Variants in CALN1 observed in about 807,000 individuals in gnomAD.
CALN1 encodes calcium-binding protein 8.
In CALN1, 17 loss-of-function variants were observed where a neutral mutation model predicts 30.6. The ratio of observed to expected loss-of-function variants is 0.56; its 90% CI spans 0.38 to 0.83. The LOEUF (loss-of-function observed/expected upper bound fraction) is 0.83, where lower values mean the gene tolerates loss of function less well. Ranked by LOEUF, CALN1 falls within the 40% of genes least tolerant of loss-of-function variation. CALN1 has a pLI of 0.00. For synonymous variants in CALN1, 156 were observed against 131.4 expected, an observed-to-expected ratio of 1.19 and a Z score of -1.28; for missense variants, 291 against 354.9, an observed-to-expected ratio of 0.82 and a Z score of 1.45.
At chr7:72,210,980 G>A (rs928384565) in intron 3 of CALN1, among the ~76,000 whole-genome samples, 1 of 152,056 alleles carries the variant, frequency 6.6e-6, no homozygotes, top group African/African-American at 2.4e-5. Context: ...CTTTAACCCA[G>A]GAGTTCAAGG....
intron 2 of CALN1, among the ~76,000 whole-genome samples, chr7:72,389,419 T>G (rs779857715): frequency 2.0e-5 from 3 of 152,200 alleles, no homozygotes; most frequent in Non-Finnish European, 4.4e-5. Context: ...GGAAAATAAT[T>G]TTTAAGCCTT....
At chr7:71,931,845 A>G (rs1447828677) in intron 5 of CALN1, among the ~76,000 whole-genome samples, 1 of 149,164 alleles carries the variant, frequency 6.7e-6, no homozygotes, top group Non-Finnish European at 1.5e-5. Context: ...AGTGTAGAGG[A>G]GCCCAAAACT....
intron 2 of CALN1, among the ~76,000 whole-genome samples, chr7:72,380,693 A>G (rs1045481838): frequency 2.0e-5 from 3 of 147,024 alleles, no homozygotes; most frequent in Non-Finnish European, 4.6e-5. Context: ...ATGGATGGAT[A>G]CATACATTAG....
At chr7:71,844,122 G>A (rs1011642051) in intron 5 of CALN1, among the ~76,000 whole-genome samples, 13 of 152,228 alleles carry the variant, frequency 8.5e-5, no homozygotes, top group African/African-American at 2.9e-4. Flanking sequence ...TCTCCATAGA[G>A]CAGGCTACAA....
intron 2 of CALN1, among the ~76,000 whole-genome samples, chr7:72,331,482 T>G (rs1025254921): frequency 1.3e-5 from 2 of 152,170 alleles, no homozygotes; most frequent in African/African-American, 4.8e-5. Context: ...CCTCTGAGCA[T>G]CTTGAATGCA....
chr7:71,809,820 C>T (rs1182825998), intron 6 of CALN1, among the ~76,000 whole-genome samples: 1 of 151,912 alleles, frequency 6.6e-6, no homozygotes, highest in Non-Finnish European at 1.5e-5. Flanking sequence ...GGACTCTGTC[C>T]CTTTTTTTTT....
chr7:72,337,627 C>T (rs534811634), intron 2 of CALN1: 1 of 152,860 alleles, frequency 6.5e-6, no homozygotes, highest in African/African-American at 2.4e-5. Flanking sequence ...GGTGCCCACA[C>T]CCTAGATCCA....
At chr7:71,945,027 T>C (rs1268124191) in intron 5 of CALN1, among the ~76,000 whole-genome samples, 1 of 152,206 alleles carries the variant, frequency 6.6e-6, no homozygotes, top group African/African-American at 2.4e-5. Flanking sequence ...GCATGGGTCA[T>C]AGGGGCGGAT....
At chr7:72,433,340 C>T (rs2129564093) in intron 1 of CALN1, among the ~76,000 whole-genome samples, 1 of 152,280 alleles carries the variant, frequency 6.6e-6, no homozygotes, top group African/African-American at 2.4e-5. Context: ...TAGCATGCAT[C>T]AGCTGTGCTA....
intron 3 of CALN1, among the ~76,000 whole-genome samples, chr7:72,255,283 G>T (rs1308166717): frequency 6.6e-6 from 1 of 151,716 alleles, no homozygotes; most frequent in Non-Finnish European, 1.5e-5. Flanking sequence ...AGTAGAGACA[G>T]GGTTTCACCA....
Position 71,936,951 on chromosome 7 carries a change from T to G in CALN1, c.501+86706A>C, listed in dbSNP as rs1019087446. Among the ~76,000 whole-genome samples, 5 of 152,032 alleles carry G rather than the reference T, an allele frequency of 3.3e-5. No homozygotes were observed. In the East Asian group the frequency reaches 7.7e-4, roughly 23 times the overall value. ...TCTCTTGCTGCCACCATATAAGAAG[T>G]GCCTTTCATCTCCAGCCATGATTCT... On this transcript the variant is annotated intron_variant, in intron 5 of 6. Coordinates refer to ENST00000395275, the MANE Select transcript of CALN1 (RefSeq NM_031468.4).
At chr7:72,140,497 C>A (rs1051939975) in intron 3 of CALN1, among the ~76,000 whole-genome samples, 1 of 152,194 alleles carries the variant, frequency 6.6e-6, no homozygotes, top group African/African-American at 2.4e-5. Flanking sequence ...CAGTGAGACC[C>A]ACTCAGAGGA....
the CALN1 span, among the ~76,000 whole-genome samples, chr7:72,487,209 A>T: frequency 6.6e-6 from 1 of 152,102 alleles, no homozygotes; most frequent in African/African-American, 2.4e-5. Flanking sequence ...TGAGGGATGA[A>T]CAAGGATCTA....
chr7:71,985,227 C>T (rs866830816), intron 5 of CALN1, among the ~76,000 whole-genome samples: 3 of 152,126 alleles, frequency 2.0e-5, no homozygotes, highest in South Asian at 2.1e-4. Context: ...CAAATCAAAA[C>T]GACTATGAAA....
At chr7:72,200,310 C>A (rs1791330665) in intron 3 of CALN1, among the ~76,000 whole-genome samples, 2 of 152,232 alleles carry the variant, frequency 1.3e-5, no homozygotes, top group Non-Finnish European at 1.5e-5. Context: ...TGGGCAAATA[C>A]CTTAACCTCT....
chr7:72,359,378 A>G (rs986639203), intron 2 of CALN1, among the ~76,000 whole-genome samples: 10 of 152,170 alleles, frequency 6.6e-5, no homozygotes, highest in African/African-American at 2.4e-4. Flanking sequence ...CAGGGCAAGT[A>G]TTGTAACTTT....
chr7:72,317,000 A>G (rs998785960), intron 2 of CALN1, among the ~76,000 whole-genome samples: 3 of 150,176 alleles, frequency 2.0e-5, no homozygotes, highest in African/African-American at 7.4e-5. Flanking sequence ...AAAGGAAAGG[A>G]AAGGAAAGGA....
chr7:72,446,691 T>C (rs1251394138), intron 1 of CALN1, among the ~76,000 whole-genome samples: 1 of 152,138 alleles, frequency 6.6e-6, no homozygotes, highest in African/African-American at 2.4e-5. Flanking sequence ...GCCCTTTTCA[T>C]TATCTCCAAG....
At chr7:71,982,293 G>A (rs1157942799) in intron 5 of CALN1, among the ~76,000 whole-genome samples, 1 of 152,174 alleles carries the variant, frequency 6.6e-6, no homozygotes, top group African/African-American at 2.4e-5. Flanking sequence ...CATTTTAAAA[G>A]ATATTAAAAT....
Sources: gnomAD v4.1 joint callset for allele counts (sites outside exome capture counted in the v4.1 genomes callset) on GRCh38, gnomAD v4.1.1 for gene constraint, MANE v1.5 for transcripts, NCBI Gene and HGNC (gene_info 2026-07-23, HGNC 2026-07-21) for gene names.